The following MDGA2 variants were observed in gnomAD, a reference collection of about 807,000 sequenced individuals.
MDGA2 encodes MAM domain containing glycosylphosphatidylinositol anchor 2, also known as MAM domain-containing glycosylphosphatidylinositol anchor protein 2.
A neutral mutation model predicts 117.8 loss-of-function variants in MDGA2; 40 were observed. The ratio of observed to expected loss-of-function variants is 0.34; its 90% CI spans 0.26 to 0.44. The LOEUF (loss-of-function observed/expected upper bound fraction) is 0.44. Among genes scored for constraint, MDGA2 ranks in the 20% least tolerant of loss-of-function variants. The pLI is 1.00. For missense variants in MDGA2, 1,123 were observed against 1,250.6 expected (o/e 0.90, Z 1.54); for synonymous variants, 452 against 439.0 (o/e 1.03, Z -0.37).
chr14:46,873,224 G>A, intron 14 of MDGA2: 3 of 464,010 alleles, frequency 6.5e-6, no homozygotes, highest in South Asian at 7.0e-5. Context: ...AGGGAGGTAG[G>A]TGATGATCTA....
chr14:46,899,564 G>C lies in MDGA2; in HGVS notation c.2239-17343C>G, dbSNP rs1883206039. The stretch of plus-strand genomic sequence containing the variant: ...AAGAATATGCACTCACCAAGAATAT[G>C]GGGCTCACAGAAAAGCTCAACCATG... On this transcript the variant is annotated intron_variant, in intron 10 of 16. Coordinates refer to ENST00000399232, the MANE Select transcript of MDGA2 (RefSeq NM_001113498.3). 1.3e-5 allele frequency among the ~76,000 whole-genome samples: 2 copies of C among 151,660 alleles called. 1 individual carries two copies. Among genetic ancestry groups the C allele is most frequent in the South Asian group, 4.2e-4 (2 of 4,804 alleles).
At chr14:46,860,239 A>C (rs1221601146) in intron 14 of MDGA2, among the ~76,000 whole-genome samples, 1 of 152,138 alleles carries the variant, frequency 6.6e-6, no homozygotes, top group East Asian at 1.9e-4. Context: ...AACTAGCATA[A>C]GTTTTTAGTG....
At chr14:46,994,391 A>G (rs937398377) in intron 8 of MDGA2, among the ~76,000 whole-genome samples, 1 of 152,122 alleles carries the variant, frequency 6.6e-6, no homozygotes, top group African/African-American at 2.4e-5. Context: ...CAGGACTGCA[A>G]TTGGTGTCAG....
chr14:47,618,046 A>C (rs1192266144), intron 1 of MDGA2, among the ~76,000 whole-genome samples: 1 of 152,204 alleles, frequency 6.6e-6, no homozygotes, highest in African/African-American at 2.4e-5. Flanking sequence ...ACATCCTATC[A>C]GTGTTCAATA....
intron 5 of MDGA2, among the ~76,000 whole-genome samples, chr14:47,128,857 G>A (rs773184849): frequency 6.6e-6 from 1 of 151,800 alleles, no homozygotes; most frequent in Non-Finnish European, 1.5e-5. Flanking sequence ...ACCATGCCCG[G>A]CTAATGTTTT....
intron 1 of MDGA2, among the ~76,000 whole-genome samples, chr14:47,546,523 C>T (rs1244853357): frequency 1.3e-5 from 2 of 152,032 alleles, no homozygotes; most frequent in African/African-American, 4.8e-5. Flanking sequence ...ATGAAGAGAA[C>T]CATCATATTT....
intron 1 of MDGA2, among the ~76,000 whole-genome samples, chr14:47,590,655 AT>A (rs1163596554): frequency 4.6e-5 from 7 of 151,992 alleles, no homozygotes; most frequent in Non-Finnish European, 2.9e-5. Flanking sequence ...TAACTAAAAG[AT>A]TATAATTGGA....
intron 1 of MDGA2, among the ~76,000 whole-genome samples, chr14:47,557,455 C>A (rs1166362800): frequency 6.6e-6 from 1 of 151,930 alleles, no homozygotes; most frequent in Non-Finnish European, 1.5e-5. Context: ...ACAGAACATC[C>A]CAGTAGTCTA....
intron 14 of MDGA2, among the ~76,000 whole-genome samples, chr14:46,861,897 A>C (rs1320671373): frequency 6.6e-6 from 1 of 152,004 alleles, no homozygotes; most frequent in Admixed American, 6.6e-5. Context: ...TGGTCAACAA[A>C]ATTAGAACTT....
At chr14:47,623,819 A>T (rs910173630) in intron 1 of MDGA2, among the ~76,000 whole-genome samples, 1 of 151,470 alleles carries the variant, frequency 6.6e-6, no homozygotes, top group Non-Finnish European at 1.5e-5. Flanking sequence ...TGCCACTTAA[A>T]CAATCTATGC....
At chr14:47,450,338 C>A (rs1893215545) in intron 1 of MDGA2, among the ~76,000 whole-genome samples, 1 of 151,834 alleles carries the variant, frequency 6.6e-6, no homozygotes, top group African/African-American at 2.4e-5. Context: ...TCCCCCAAGG[C>A]AAAGCAATCA....
chr14:47,268,158 C>T (rs752136171), intron 2 of MDGA2, among the ~76,000 whole-genome samples: 3 of 151,740 alleles, frequency 2.0e-5, no homozygotes, highest in African/African-American at 4.8e-5. Flanking sequence ...CTGCAACCTC[C>T]GCCTCCCTGG....
intron 6 of MDGA2, among the ~76,000 whole-genome samples, chr14:47,095,945 G>A (rs1879941311): frequency 6.6e-6 from 1 of 151,902 alleles, no homozygotes; most frequent in South Asian, 2.1e-4. Flanking sequence ...AGAGGCCTCA[G>A]TGTGCACCCT....
At position 47,184,445 on chromosome 14, in the gene MDGA2, T is replaced by A. The variant is rs538355039; in HGVS notation, c.595+33576A>T. ...AATGACAGATTTTATAAATTGATAC[T>A]GGTATAACTTTGGGTTATATTATTA... On this transcript the variant is annotated intron_variant, in intron 3 of 16. Transcript: ENST00000399232. 2.0e-5 allele frequency among the ~76,000 whole-genome samples: 3 copies of A among 152,048 alleles called. No homozygotes were observed. In the South Asian group the frequency reaches 6.2e-4, roughly 31 times the overall value.
At chr14:47,517,596 C>T (rs1185391116) in intron 1 of MDGA2, among the ~76,000 whole-genome samples, 5 of 151,828 alleles carry the variant, frequency 3.3e-5, no homozygotes, top group Non-Finnish European at 7.4e-5. Flanking sequence ...TAGTCTATTC[C>T]AGAAAGATAG....
chr14:47,482,869 G>T (rs1371392004), intron 1 of MDGA2, among the ~76,000 whole-genome samples: 1 of 148,598 alleles, frequency 6.7e-6, no homozygotes, highest in East Asian at 2.0e-4. Flanking sequence ...ATATAGGCAA[G>T]AAGATTTTCT....
chr14:47,531,749 C>T (rs1311710992), intron 1 of MDGA2, among the ~76,000 whole-genome samples: 1 of 152,174 alleles, frequency 6.6e-6, no homozygotes, highest in Non-Finnish European at 1.5e-5. Flanking sequence ...ACACTGAATG[C>T]ATTTACCCTT....
intron 9 of MDGA2, among the ~76,000 whole-genome samples, chr14:46,950,187 TTAAG>T (rs1885318903): frequency 6.6e-6 from 1 of 151,952 alleles, no homozygotes; most frequent in African/African-American, 2.4e-5. Flanking sequence ...ATTAACTTCA[TTAAG>T]TGATACTTAC....
intron 3 of MDGA2, among the ~76,000 whole-genome samples, chr14:47,209,474 G>A (rs950745749): frequency 3.3e-5 from 5 of 152,118 alleles, no homozygotes; most frequent in African/African-American, 4.8e-5. Flanking sequence ...TGATGTATTT[G>A]TGAGATTCTG....
Sources: allele counts gnomAD v4.1 joint callset (sites outside exome capture counted in the v4.1 genomes callset), GRCh38; gene constraint gnomAD v4.1.1; transcripts MANE v1.5; gene names NCBI Gene and HGNC (gene_info 2026-07-23, HGNC 2026-07-21).